The following PLCB4 variants were observed in gnomAD, a reference collection of about 807,000 sequenced individuals.
The protein encoded by PLCB4 is phospholipase C beta 4.
A neutral mutation model predicts 178.8 loss-of-function variants in PLCB4; 77 were observed. The observed-to-expected ratio is 0.43, with a 90% CI of 0.36 to 0.52. PLCB4 has a LOEUF of 0.52. Ranked by LOEUF, PLCB4 falls within the 20% of genes least tolerant of loss-of-function variation. The probability of loss-of-function intolerance (pLI) is 0.00; values close to 1 mark genes in which losing one functional copy is unlikely to be tolerated. For synonymous variants in PLCB4, 496 were observed against 490.8 expected (o/e 1.01, Z -0.14); for missense variants, 1,024 against 1,453.4 (o/e 0.70, Z 4.80).
At chr20:9,174,444 C>G (rs2147057463) in intron 2 of PLCB4, among the ~76,000 whole-genome samples, 1 of 149,438 alleles carries the variant, frequency 6.7e-6, no homozygotes, top group African/African-American at 2.5e-5. Flanking sequence ...TGCACCTGGC[C>G]TATTCTTCTT....
intron 2 of PLCB4, among the ~76,000 whole-genome samples, chr20:9,154,920 C>CTTCA (rs2092760208): frequency 2.4e-5 from 3 of 125,924 alleles, no homozygotes; most frequent in Non-Finnish European, 4.9e-5. Context: ...TCCTTCCTTC[C>CTTCA]TTCCTTCCTT....
Position 9,395,372 on chromosome 20 carries a change from T to A in PLCB4, c.1415-151T>A, listed in dbSNP as rs4141985. The A allele has an allele frequency of 0.36, 204,561 of 562,472 alleles. 37,838 individuals are homozygous for A. The highest frequency in any genetic ancestry group is 0.42 in the African/African-American group (22,211 of 53,056). The allele number at this position is 562,472 out of a possible 1,614,324, so 34.8% of individuals were successfully genotyped here. A position where few individuals can be genotyped will look rare whatever the true frequency, so the allele number is the denominator to read the frequency against. Reference sequence around the variant, plus strand: ...CCACCAGGAAATGGCGAGAGAGAGATCACTGCTGAACCTTAGAAACATGGT... The same window carrying A: ...CCACCAGGAAATGGCGAGAGAGAGAACACTGCTGAACCTTAGAAACATGGT... On this transcript the variant is annotated intron_variant, in intron 18 of 39. Coordinates refer to ENST00000378473, the MANE Select transcript of PLCB4 (RefSeq NM_001377142.1).
chr20:9,450,280 A>G (rs1190716197), intron 32 of PLCB4, among the ~76,000 whole-genome samples: 2 of 152,178 alleles, frequency 1.3e-5, no homozygotes, highest in African/African-American at 4.8e-5. Flanking sequence ...GCTAAGATGG[A>G]CTTAGAGATC....
chr20:9,317,925 C>T (rs535932336), intron 4 of PLCB4, among the ~76,000 whole-genome samples: 1 of 152,178 alleles, frequency 6.6e-6, no homozygotes, highest in South Asian at 2.1e-4. Flanking sequence ...ATGGTGAAAC[C>T]CTGCCTTTAC....
chr20:9,117,830 T>C (rs1371959050), intron 2 of PLCB4, among the ~76,000 whole-genome samples: 1 of 152,196 alleles, frequency 6.6e-6, no homozygotes, highest in Non-Finnish European at 1.5e-5. Context: ...TGCATTTTTC[T>C]TGCTCAGCTG....
At chr20:9,299,517 A>G (rs1440890221) in intron 3 of PLCB4, among the ~76,000 whole-genome samples, 18 of 151,996 alleles carry the variant, frequency 1.2e-4, no homozygotes. Flanking sequence ...GACTCGTGTA[A>G]TTTTATAGCC....
intron 1 of PLCB4, among the ~76,000 whole-genome samples, chr20:9,084,757 A>C (rs1352134065): frequency 6.6e-6 from 1 of 152,228 alleles, no homozygotes; most frequent in Non-Finnish European, 1.5e-5. Flanking sequence ...TCTTTAATAT[A>C]AAGATTGGAT....
At chr20:9,436,229 A>C (rs1328564425) in intron 29 of PLCB4, among the ~76,000 whole-genome samples, 1 of 152,212 alleles carries the variant, frequency 6.6e-6, no homozygotes, top group Non-Finnish European at 1.5e-5. Flanking sequence ...TATCCAAAAC[A>C]TTTCTGGTCT....
chr20:9,094,499 T>C (rs2090822696), intron 1 of PLCB4, among the ~76,000 whole-genome samples: 1 of 152,150 alleles, frequency 6.6e-6, no homozygotes, highest in Non-Finnish European at 1.5e-5. Flanking sequence ...TTTTCACAAA[T>C]AATTCCCATC....
chr20:9,161,697 AT>A (rs1213086748), intron 2 of PLCB4, among the ~76,000 whole-genome samples: 1 of 152,010 alleles, frequency 6.6e-6, no homozygotes, highest in Non-Finnish European at 1.5e-5. Context: ...GACTTTGTAT[AT>A]TTTTTTTCTT....
At chr20:9,273,927 T>C (rs6039431) in intron 3 of PLCB4, among the ~76,000 whole-genome samples, 15,422 of 152,034 alleles carry the variant, frequency 0.1, 2,052 homozygotes, top group African/African-American at 0.31. Flanking sequence ...GGAAGACTGC[T>C]GGCAGGATAT....
At chr20:9,326,288 C>T (rs1214447592) in intron 4 of PLCB4, among the ~76,000 whole-genome samples, 1 of 152,158 alleles carries the variant, frequency 6.6e-6, no homozygotes, top group East Asian at 1.9e-4. Flanking sequence ...AGCCTTCATC[C>T]ACTCTTCCAA....
intron 4 of PLCB4, among the ~76,000 whole-genome samples, chr20:9,329,690 T>C (rs982049237): frequency 3.9e-5 from 6 of 152,184 alleles, no homozygotes; most frequent in East Asian, 1.9e-4. Flanking sequence ...CATGCTGTTA[T>C]TTTGTCTGAC....
At chr20:9,135,322 C>T (rs2092360120) in intron 2 of PLCB4, among the ~76,000 whole-genome samples, 1 of 151,940 alleles carries the variant, frequency 6.6e-6, no homozygotes, top group Non-Finnish European at 1.5e-5. Context: ...GAAACCAGAA[C>T]AATTTGTACA....
chr20:9,152,961 T>A (rs2092716469), intron 2 of PLCB4, among the ~76,000 whole-genome samples: 1 of 152,100 alleles, frequency 6.6e-6, no homozygotes, highest in Admixed American at 6.5e-5. Flanking sequence ...TCAAAGGAGA[T>A]CATTTTGGAG....
rs375264555 is a variant in PLCB4 at position 9,308,736 on chromosome 20, G to C, written c.84+838G>C. ...TGTGAGCTGACATAGCTTAATACTTGTTGACTTGATATTTCTGCAGGGTGC... is the reference window on the plus strand; with the variant it reads ...TGTGAGCTGACATAGCTTAATACTTCTTGACTTGATATTTCTGCAGGGTGC... On this transcript the variant is annotated intron_variant, in intron 4 of 39. Transcript: ENST00000378473. 1.2e-4 allele frequency among the ~76,000 whole-genome samples: 18 copies of C among 152,280 alleles called. No individual in the cohort carries two copies. In the East Asian group the frequency reaches 2.7e-3, roughly 23 times the overall value.
chr20:9,470,531 G>A (rs2044118244), intron 36 of PLCB4, among the ~76,000 whole-genome samples: 1 of 152,100 alleles, frequency 6.6e-6, no homozygotes, highest in Admixed American at 6.6e-5. Context: ...TGACAAATGT[G>A]CCAATTAATA....
intron 19 of PLCB4, among the ~76,000 whole-genome samples, chr20:9,396,857 T>C (rs2038625752): frequency 6.6e-6 from 1 of 152,250 alleles, no homozygotes; most frequent in Non-Finnish European, 1.5e-5. Context: ...TGCTTAAAAA[T>C]GCTGACAATT....
chr20:9,204,385 G>A (rs1278655397), intron 2 of PLCB4, among the ~76,000 whole-genome samples: 2 of 151,982 alleles, frequency 1.3e-5, no homozygotes, highest in Non-Finnish European at 2.9e-5. Flanking sequence ...TGGGGATCGA[G>A]TCTTGCTCTG....
Sources: gnomAD v4.1 joint callset for allele counts (sites outside exome capture counted in the v4.1 genomes callset) on GRCh38, gnomAD v4.1.1 for gene constraint, MANE v1.5 for transcripts, NCBI Gene and HGNC (gene_info 2026-07-23, HGNC 2026-07-21) for gene names.